ABCC6: variants seen among roughly 807,000 people sequenced by gnomAD.
ABCC6 encodes the protein ATP-binding cassette sub-family C member 6.
Under a neutral mutation model 169.5 loss-of-function variants are expected in ABCC6, and 126 were observed. That is an observed-to-expected ratio of 0.74 (90% confidence interval 0.64 to 0.86). The LOEUF is 0.86. Ranked by LOEUF, ABCC6 falls within the 40% of genes least tolerant of loss-of-function variation. The pLI is 0.00. For synonymous variants in ABCC6, 752 were observed against 814.7 expected (o/e 0.92, Z 1.31); for missense variants, 1,733 against 1,927.2 (o/e 0.90, Z 1.89).
intron 7 of ABCC6, among the ~76,000 whole-genome samples, chr16:16,206,746 T>C (rs1249445313): frequency 6.6e-6 from 1 of 152,114 alleles, no homozygotes; most frequent in East Asian, 1.9e-4. Flanking sequence ...TTGGGTGACC[T>C]GTAATTTTCA....
Position 16,152,192 on chromosome 16 carries a change from C to CAAAAAAAAAA in ABCC6, c.4209-1430_4209-1421dup, listed in dbSNP as rs61339757. On this transcript the variant is annotated intron_variant, in intron 29 of 30. Coordinates refer to ENST00000205557, the MANE Select transcript of ABCC6 (RefSeq NM_001171.6). ...TGGGCGACAGAGCAAGACTCTGTCT[C>CAAAAAAAAAA]AAAAAAAAAAAAAAAAAAAAAAAGT... 4.7e-4 allele frequency among the ~76,000 whole-genome samples: 19 copies of CAAAAAAAAAA among 40,316 alleles called. 2 individuals are homozygous for CAAAAAAAAAA. The highest frequency in any genetic ancestry group is 2.2e-3 in the African/African-American group (18 of 8,362). The allele number at this position is 40,316 out of a possible 152,430, so 26.4% of individuals were successfully genotyped here.
intron 23 of ABCC6, among the ~76,000 whole-genome samples, chr16:16,165,085 A>G (rs1377322608): frequency 2.0e-5 from 3 of 152,208 alleles, no homozygotes; most frequent in Non-Finnish European, 4.4e-5. Context: ...CAGGATAAAA[A>G]CATTACGCGT....
intron 6 of ABCC6, among the ~76,000 whole-genome samples, chr16:16,209,133 G>C (rs548629607): frequency 4.4e-4 from 67 of 152,108 alleles, no homozygotes; most frequent in Non-Finnish European, 8.5e-4. Context: ...TCCCAGGCTG[G>C]AGTGCAGTGG....
At chr16:16,172,333 TG>T (rs2047134629) in intron 21 of ABCC6, among the ~76,000 whole-genome samples, 1 of 21,594 alleles carries the variant, frequency 4.6e-5, no homozygotes, top group African/African-American at 1.8e-4. Context: ...GTGGGTGGGA[TG>T]GCTAAATGGG....
intron 1 of ABCC6, chr16:16,223,139 A>C: frequency 1.7e-6 from 1 of 598,120 alleles, no homozygotes. Context: ...GGCTTGGGGG[A>C]CCCACTAGCT....
chr16:16,155,965 G>A (rs1183170359), intron 27 of ABCC6, among the ~76,000 whole-genome samples: 5 of 152,142 alleles, frequency 3.3e-5, no homozygotes, highest in Admixed American at 6.5e-5. Context: ...GCCCAGGCTG[G>A]AGTGCAGTGG....
In ABCC6 at chr16:16,221,743, A is replaced by G; in HGVS notation, c.125T>C (p.Met42Thr). 1 of 1,613,756 alleles carries G rather than the reference A, an allele frequency of 6.2e-7. No homozygotes were observed. The highest frequency in any genetic ancestry group is 1.3e-5 in the African/African-American group (1 of 75,012). The change falls in exon 2 of 31, where the codon ATG (methionine) becomes ACG (threonine). Residue 42 changes from methionine to threonine, a missense_variant. Coordinates refer to ENST00000205557, the MANE Select transcript of ABCC6 (RefSeq NM_001171.6). Reference protein sequence around the residue: ...LRTAGVWVPPMYLWVLGPIYL... With the variant: ...LRTAGVWVPPTYLWVLGPIYL... The stretch of plus-strand genomic sequence containing the variant: ...GATGGGACCAAGGACCCAGAGGTAC[A>G]TGGGGGGTACCCAGACCCCTGCTGT...
Position 16,202,181 on chromosome 16 carries a change from T to C in ABCC6, c.999-3A>G. 6 of 1,610,522 alleles carry C rather than the reference T, an allele frequency of 3.7e-6. No homozygotes were observed. Among genetic ancestry groups the C allele is most frequent in the Non-Finnish European group, 5.1e-6 (6 of 1,178,334 alleles). ...CACCAATAAACTCCAGGAAAAGGCT[T>C]GCAGGGGAAGGAGGGAGAAGGTACA... On this transcript the variant is annotated splice_region_variant and splice_polypyrimidine_tract_variant and intron_variant, in intron 8 of 30. Coordinates refer to ENST00000205557, the MANE Select transcript of ABCC6 (RefSeq NM_001171.6).
chr16:16,203,101 C>T (rs575683598), intron 8 of ABCC6, among the ~76,000 whole-genome samples: 1 of 152,344 alleles, frequency 6.6e-6, no homozygotes, highest in South Asian at 2.1e-4. Flanking sequence ...GCCCAGCCCA[C>T]ATTACTGACC....
chr16:16,221,377 C>T (rs2049065510), intron 2 of ABCC6: 3 of 1,415,804 alleles, frequency 2.1e-6, no homozygotes, highest in Admixed American at 3.0e-5. Context: ...TGGAAAATGC[C>T]AGGTTATGGT....
Position 16,196,636 on chromosome 16 carries a change from T to A in ABCC6, c.1338+1385A>T, listed in dbSNP as rs1392597106. On this transcript the variant is annotated intron_variant, in intron 10 of 30. Coordinates refer to ENST00000205557, the MANE Select transcript of ABCC6 (RefSeq NM_001171.6). Reference sequence around the variant, plus strand: ...GGGTCCTTGCACACAGATTCACAACTGATAAGTGGTCAGAAGGAGGATTTG... The same window carrying A: ...GGGTCCTTGCACACAGATTCACAACAGATAAGTGGTCAGAAGGAGGATTTG... 2.0e-5 allele frequency among the ~76,000 whole-genome samples: 3 copies of A among 152,178 alleles called. No individual in the cohort carries two copies. The East Asian group carries it at 5.8e-4, about 29-fold the overall frequency.
At chr16:16,152,008 C>T (rs1002537941) in intron 29 of ABCC6, among the ~76,000 whole-genome samples, 27 of 151,702 alleles carry the variant, frequency 1.8e-4, no homozygotes, top group African/African-American at 6.3e-4. Flanking sequence ...CTGGCTAACA[C>T]GGTGAAACCC....
intron 18 of ABCC6, 55 bp downstream of exon 18, chr16:16,178,743 T>G: frequency 6.2e-7 from 1 of 1,606,426 alleles, no homozygotes. Context: ...GACTGGATGC[T>G]AAGTGCTTCC....
chr16:16,176,065 C>G lies in ABCC6; in HGVS notation c.2591-79G>C, dbSNP rs572573473. The G allele has an allele frequency of 6.5e-6, 9 of 1,384,480 alleles. No individual in the cohort carries two copies. In the South Asian group the frequency reaches 8.1e-5, roughly 12 times the overall value. 85.8% of individuals were successfully genotyped at this position (1,384,480 alleles called of 1,614,324 possible). A position where few individuals can be genotyped will look rare whatever the true frequency, so the allele number is the denominator to read the frequency against. On this transcript the variant is annotated intron_variant, in intron 19 of 30. Transcript: ENST00000205557. ...CACCCACTGACTATGTGGCCTTAAC[C>G]GCTCTGACCATCCATTTCCCCTGAT...
chr16:16,152,365 AG>A (rs1183127239), intron 29 of ABCC6, among the ~76,000 whole-genome samples: 6 of 152,048 alleles, frequency 3.9e-5, no homozygotes, highest in East Asian at 3.9e-4. Flanking sequence ...TGTCTTGCAC[AG>A]TAAGCCCTTC....
intron 11 of ABCC6, among the ~76,000 whole-genome samples, chr16:16,190,928 G>T (rs1382904961): frequency 1.4e-5 from 2 of 139,710 alleles, no homozygotes; most frequent in Non-Finnish European, 3.1e-5. Flanking sequence ...GTGGGGGCTG[G>T]GGGGTAGGGG....
Position 16,163,148 on chromosome 16 carries a change from T to C in ABCC6, c.3351A>G (p.Ser1117=), listed in dbSNP as rs1244432554. The change falls in exon 24 of 31, where the codon TCA becomes TCG. Residue 1117 remains serine (S), a synonymous_variant. Coordinates refer to ENST00000205557, the MANE Select transcript of ABCC6 (RefSeq NM_001171.6). ...VSSCQLRRLE[S]ASYSSVCSHM... ...GGGAGCAGACAGACGAGTAGCTGGC[T>C]GACTCCAAGCGTCTCAGCTGGCATG... 1 of 1,613,744 alleles carries C rather than the reference T, an allele frequency of 6.2e-7. No individual in the cohort carries two copies. The highest frequency in any genetic ancestry group is 1.1e-5 in the South Asian group (1 of 91,086).
At chr16:16,166,566 G>A (rs2046881098) in intron 22 of ABCC6, among the ~76,000 whole-genome samples, 1 of 151,928 alleles carries the variant, frequency 6.6e-6, no homozygotes, top group African/African-American at 2.4e-5. Context: ...AGAGAAGCCT[G>A]GGGCGTATTC....
intron 9 of ABCC6, among the ~76,000 whole-genome samples, chr16:16,199,455 T>C (rs1237101981): frequency 7.9e-6 from 1 of 126,974 alleles, no homozygotes; most frequent in Admixed American, 8.6e-5. Flanking sequence ...GGTGAGACCT[T>C]TCATGTGCTT....
Sources: allele counts gnomAD v4.1 joint callset (sites outside exome capture counted in the v4.1 genomes callset), GRCh38; gene constraint gnomAD v4.1.1; transcripts MANE v1.5; gene names NCBI Gene and HGNC (gene_info 2026-07-23, HGNC 2026-07-21).